STMN1: variants seen among roughly 807,000 people sequenced by gnomAD.
STMN1 encodes stathmin.
A neutral mutation model predicts 19.7 loss-of-function variants in STMN1; 3 were observed. The observed-to-expected ratio is 0.15, with a 90% confidence interval of 0.07 to 0.39. STMN1 has a LOEUF of 0.39. STMN1 is among the 10% of genes least tolerant of loss of function. The pLI is 1.00. For synonymous variants in STMN1, 59 were observed against 58.9 expected (o/e 1.00, Z -0.01); for missense variants, 99 against 176.0 (o/e 0.56, Z 2.48).
exon 5 of STMN1, chr1:25,885,799 G>C (rs964154696): frequency 2.6e-6 from 4 of 1,551,724 alleles, no homozygotes; most frequent in Non-Finnish European, 3.5e-6. Flanking sequence ...GGCAGGAACA[G>C]AGTGGAGACA....
At chr1:25,886,585 T>TC (rs1193571581) in intron 4 of STMN1, among the ~76,000 whole-genome samples, 1 of 148,514 alleles carries the variant, frequency 6.7e-6, no homozygotes, top group East Asian at 2.0e-4. Context: ...ACCACTTTTT[T>TC]TTTTTTTTTT....
intron 2 of STMN1, 127 bp downstream of exon 2, chr1:25,904,534 TCTC>T (rs2048915245): frequency 4.1e-6 from 3 of 736,884 alleles, no homozygotes; most frequent in South Asian, 3.5e-5. Flanking sequence ...TTTAAATTCT[TCTC>T]CTATTCATAA....
chr1:25,891,524 G>A (rs2048775659), intron 4 of STMN1, among the ~76,000 whole-genome samples: 1 of 152,036 alleles, frequency 6.6e-6, no homozygotes, highest in African/African-American at 2.4e-5. Flanking sequence ...CTGGGAGTTT[G>A]GACCTCCTAG....
chr1:25,901,136 AAAAG>A (rs769090557), intron 4 of STMN1, 49 bp from the exon 5 acceptor site: 9 of 1,573,816 alleles, frequency 5.7e-6, no homozygotes, highest in African/African-American at 5.5e-5. Context: ...AAAAAAAAAA[AAAAG>A]CCTGTCAAGT....
In STMN1 at chr1:25,903,709, G is replaced by C. The variant is rs760572975; in HGVS notation, c.118C>G (p.Pro40Ala). ...TCCAGGGAAAGATCCTTCTTCTTTG[G>C]AGGGGAAAGGGGGAATTCTGGAACA... ...ESVPEFPLSP[P>A]KKKDLSLEEI... Residue 40 changes from proline to alanine, a missense_variant, in exon 3 of 5, where the codon CCA (proline) becomes GCA (alanine). Around this residue, in one of 3 missense-constraint regions of STMN1, gnomAD observed 37 missense variants for 57.9 expected, o/e 0.64. Coordinates refer to ENST00000455785, the MANE Select transcript of STMN1 (RefSeq NM_005563.4). 6.2e-7 allele frequency: 1 copy of C among 1,613,924 alleles called. No homozygotes were observed. Among genetic ancestry groups the C allele is most frequent in the Admixed American group, 1.7e-5 (1 of 60,024 alleles).
At chr1:25,886,579 C>CTTTT (rs34974254) in intron 4 of STMN1, among the ~76,000 whole-genome samples, 31 of 94,304 alleles carry the variant, frequency 3.3e-4, no homozygotes, top group South Asian at 4.1e-4. Context: ...ACCCCCACCA[C>CTTTT]TTTTTTTTTT....
At chr1:25,903,587 G>A in intron 3 of STMN1, 54 bp downstream of exon 3, 1 of 1,592,974 alleles carries the variant, frequency 6.3e-7, no homozygotes, top group Non-Finnish European at 8.5e-7. Context: ...AAATAAAATT[G>A]ATCTGCCCAT....
intron 4 of STMN1, among the ~76,000 whole-genome samples, chr1:25,890,340 AAGG>A (rs1221186228): frequency 2.6e-5 from 4 of 152,216 alleles, no homozygotes; most frequent in African/African-American, 7.2e-5. Context: ...CTACAGGGAA[AAGG>A]AGCAGGCCTT....
chr1:25,890,023 C>T (rs868358973), intron 4 of STMN1, among the ~76,000 whole-genome samples: 2 of 151,908 alleles, frequency 1.3e-5, no homozygotes, highest in African/African-American at 4.9e-5. Flanking sequence ...TCTGTCTTCT[C>T]CCCCCAGGAT....
In STMN1 at chr1:25,892,380, C is replaced by CTTTT. The variant is rs35541438; in HGVS notation, c.379-6515_379-6512dup. 3.5e-5 allele frequency: 6 copies of CTTTT among 173,672 alleles called. No individual in the cohort carries two copies. In the East Asian group the frequency reaches 7.3e-4, roughly 21 times the overall value. 10.8% of individuals were successfully genotyped at this position (173,672 alleles called of 1,614,324 possible). A position where few individuals can be genotyped will look rare whatever the true frequency, so the allele number is the denominator to read the frequency against. ...TTCCAGCCTGGGAGACAGAGCAAGA[C>CTTTT]TTTTTTTTTTTTTTTTTTTTTTAAA... On this transcript the variant is annotated intron_variant, in intron 4 of 4. Coordinates refer to the STMN1 transcript ENST00000426559.
chr1:25,906,297 G>A lies in STMN1; in HGVS notation c.-63+92C>T, dbSNP rs1413964637. 1 of 144,664 alleles carries A rather than the reference G, an allele frequency of 6.9e-6. No individual in the cohort carries two copies. Among genetic ancestry groups the A allele is most frequent in the African/African-American group, 2.6e-5 (1 of 38,224 alleles). The allele number at this position is 144,664 out of a possible 1,614,324, so 9.0% of individuals were successfully genotyped here. On this transcript the variant is annotated intron_variant, in intron 1 of 4. Coordinates refer to ENST00000455785, the MANE Select transcript of STMN1 (RefSeq NM_005563.4). This position sits in a 1 kb window ranked among gnomAD's most constrained non-coding sequence, Gnocchi z 4.5. ...CAGCCCCGCCCGCCGCCCTGCAGCA[G>A]GGGGTCGCTGCCACGGCCCAGCCCC...
intron 2 of STMN1, 61 bp downstream of exon 2, chr1:25,904,603 C>T: frequency 2.0e-6 from 3 of 1,495,154 alleles, no homozygotes; most frequent in Non-Finnish European, 2.8e-6. Context: ...AAGACCTGAG[C>T]CATCTCAATC....
chr1:25,886,542 C>T (rs1366220046), intron 4 of STMN1, among the ~76,000 whole-genome samples: 1 of 151,514 alleles, frequency 6.6e-6, no homozygotes, highest in African/African-American at 2.4e-5. Flanking sequence ...TCTCCACCCT[C>T]CATGTGCTGC....
downstream of STMN1, among the ~76,000 whole-genome samples, chr1:25,896,236 A>C (rs540681311): frequency 3.3e-5 from 5 of 152,322 alleles, no homozygotes; most frequent in South Asian, 1.0e-3. Context: ...TGGAATGGCC[A>C]TGATAACCTC....
At chr1:25,886,334 CATTAGCTTTCTATGTGACCTTGGAAA>C (rs2048720782) in intron 4 of STMN1, among the ~76,000 whole-genome samples, 1 of 152,208 alleles carries the variant, frequency 6.6e-6, no homozygotes, top group Non-Finnish European at 1.5e-5. Context: ...TATTCTCCAT[CATTAGCTTTCTATGTGACCTTGGAAA>C]AATGGCTTCC....
At chr1:25,893,550 A>AT (rs1216651047) in intron 4 of STMN1, among the ~76,000 whole-genome samples, 1 of 151,878 alleles carries the variant, frequency 6.6e-6, no homozygotes, top group Non-Finnish European at 1.5e-5. Flanking sequence ...GTTTTTATTT[A>AT]TTTTTTTGAG....
chr1:25,899,999 G>C (rs2048853218), downstream of STMN1: 1 of 781,092 alleles, frequency 1.3e-6, no homozygotes, highest in African/African-American at 1.9e-5. Context: ...GCAAAGCACT[G>C]ACAATGGGGA....
Position 25,900,821 on chromosome 1 carries a change from AAG to A in STMN1, c.*193_*194del, listed in dbSNP as rs1020008135. 10 of 1,384,804 alleles carry A rather than the reference AAG, an allele frequency of 7.2e-6. No homozygotes were observed. Among genetic ancestry groups the A allele is most frequent in the Non-Finnish European group, 9.3e-6 (10 of 1,070,008 alleles). 85.8% of individuals were successfully genotyped at this position (1,384,804 alleles called of 1,614,324 possible). A position where few individuals can be genotyped will look rare whatever the true frequency, so the allele number is the denominator to read the frequency against. On this transcript the variant is annotated 3_prime_UTR_variant, in exon 5 of 5. Coordinates refer to ENST00000455785, the MANE Select transcript of STMN1 (RefSeq NM_005563.4). ...ATTAGAAAGACCAACACTTTAGAAA[AAG>A]AGTAAAACACTTTCAGTTTCTCCCC...
chr1:25,889,033 T>C, intron 4 of STMN1: 1 of 489,064 alleles, frequency 2.0e-6, no homozygotes, highest in Non-Finnish European at 4.1e-6. Flanking sequence ...CTCCAGTGGA[T>C]TAGGATGAAA....
Sources: allele counts gnomAD v4.1 joint callset (sites outside exome capture counted in the v4.1 genomes callset), GRCh38; gene constraint gnomAD v4.1.1; regional missense constraint gnomAD v4.1.1; non-coding constraint Gnocchi (gnomAD v3.1); transcripts MANE v1.5; gene names NCBI Gene and HGNC (gene_info 2026-07-23, HGNC 2026-07-21).